Variants in PCDHGA7 observed in about 807,000 individuals in gnomAD.
PCDHGA7 encodes protocadherin gamma-A7.
PCDHGA7 carries 44 observed loss-of-function variants against 58.3 expected under a neutral mutation model. The ratio of observed to expected loss-of-function variants is 0.75; its 90% CI spans 0.59 to 0.97. PCDHGA7 has a LOEUF of 0.97. PCDHGA7 is among the 50% of genes least tolerant of loss of function. The pLI, the probability that PCDHGA7 is intolerant of heterozygous loss-of-function variation, is 0.00. For missense variants in PCDHGA7, 1,266 were observed against 1,188.7 expected (o/e 1.06, Z -0.96); for synonymous variants, 516 against 504.2 (o/e 1.02, Z -0.31).
chr5:141,423,906 G>A (rs2096789586), intron 1 of PCDHGA7: 17 of 1,272,396 alleles, frequency 1.3e-5, no homozygotes, highest in Non-Finnish European at 1.7e-5. Context: ...ATTTCAAAGG[G>A]GCCATTCAAC....
intron 1 of PCDHGA7, among the ~76,000 whole-genome samples, chr5:141,425,919 G>C (rs11167745): frequency 0.3 from 45,848 of 152,124 alleles, 8,179 homozygotes; most frequent in African/African-American, 0.5. Context: ...CAGTCACTAC[G>C]AAAACTCATA....
chr5:141,442,164 C>A, intron 1 of PCDHGA7: 1 of 156,542 alleles, frequency 6.4e-6, no homozygotes, highest in Non-Finnish European at 1.4e-5. Context: ...GATCACTCTG[C>A]AAAGCTACAG....
intron 1 of PCDHGA7, chr5:141,433,291 T>C: frequency 9.1e-7 from 1 of 1,094,048 alleles, no homozygotes; most frequent in Non-Finnish European, 1.3e-6. Context: ...ACTCCTAGGC[T>C]CAAGCAATTA....
intron 1 of PCDHGA7, among the ~76,000 whole-genome samples, chr5:141,386,518 A>C (rs2090605382): frequency 0.01 from 1 of 96 alleles, no homozygotes; most frequent in Non-Finnish European, 0.017. Flanking sequence ...TCTTCAAAAA[A>C]AGACTCTTTT....
intron 1 of PCDHGA7, chr5:141,422,778 C>T (rs1041081332): frequency 1.9e-6 from 3 of 1,613,932 alleles, no homozygotes; most frequent in Admixed American, 1.7e-5. Flanking sequence ...TTCTCTATGC[C>T]CTACAATCCT....
intron 1 of PCDHGA7, among the ~76,000 whole-genome samples, chr5:141,456,052 C>T (rs2098841739): frequency 1.3e-5 from 2 of 151,970 alleles, no homozygotes; most frequent in South Asian, 4.1e-4. Flanking sequence ...CGCCCACCAC[C>T]ACGTCCGGCT....
chr5:141,468,230 TAGG>T (rs1451844939), intron 1 of PCDHGA7, among the ~76,000 whole-genome samples: 9 of 141,220 alleles, frequency 6.4e-5, no homozygotes, highest in South Asian at 2.2e-4. Context: ...GAGGATGAGG[TAGG>T]AGAATTGCCT....
At position 141,384,374 on chromosome 5, in the gene PCDHGA7, C is replaced by A; in HGVS notation, c.1475C>A (p.Ala492Asp). 1 of 1,613,920 alleles carries A rather than the reference C, an allele frequency of 6.2e-7. No individual in the cohort carries two copies. Among genetic ancestry groups the A allele is most frequent in the Non-Finnish European group, 8.5e-7 (1 of 1,179,894 alleles). Residue 492 changes from alanine to aspartate, a missense_variant, in exon 1 of 4, where the codon GCC becomes GAC. Coordinates refer to ENST00000518325, the MANE Select transcript of PCDHGA7 (RefSeq NM_018920.4). ...AATGCCCAGATCACTTATTCCTTGGCCGAAGACACCATCCAGGGGGCTCCA... is the reference window on the plus strand; with the variant it reads ...AATGCCCAGATCACTTATTCCTTGGACGAAGACACCATCCAGGGGGCTCCA... The part of the protein sequence containing the change: ...EDNAQITYSL[A>D]EDTIQGAPVS...
rs2233612 is a variant in PCDHGA7 at position 141,511,014 on chromosome 5, A to G, written c.2640A>G (p.Gly880=). 8.6e-4 allele frequency: 1,386 copies of G among 1,614,082 alleles called. 14 individuals are homozygous for G. The African/African-American group carries it at 0.017, about 20-fold the overall frequency. The change falls in exon 4 of 4, where the codon GGA becomes GGG. Residue 880 remains glycine, a synonymous_variant. Coordinates refer to ENST00000518325, the MANE Select transcript of PCDHGA7 (RefSeq NM_018920.4). ...AGTMGLSARY[G]PQFTLQHVPD... ...CCATGGGATTGAGCGCCCGCTACGG[A>G]CCCCAGTTCACCCTGCAGCACGTGC...
At chr5:141,455,270 A>T (rs2098818132) in intron 1 of PCDHGA7, among the ~76,000 whole-genome samples, 1 of 151,958 alleles carries the variant, frequency 6.6e-6, no homozygotes, top group South Asian at 2.1e-4. Context: ...CTTCCCATTG[A>T]TTATTAACAT....
chr5:141,475,867 G>A (rs2099377217), intron 1 of PCDHGA7: 1 of 504,884 alleles, frequency 2.0e-6, no homozygotes, highest in Non-Finnish European at 3.5e-6. Flanking sequence ...CTCATTCTTC[G>A]TGCAGTTATT....
At chr5:141,492,461 G>A (rs1218833302) in intron 1 of PCDHGA7, among the ~76,000 whole-genome samples, 1 of 152,212 alleles carries the variant, frequency 6.6e-6, no homozygotes, top group East Asian at 1.9e-4. Flanking sequence ...CGCGCCTGAG[G>A]GTCCCAGATC....
At chr5:141,387,558 C>G (rs1456100013) in intron 1 of PCDHGA7, 1 of 417,976 alleles carries the variant, frequency 2.4e-6, no homozygotes, top group Non-Finnish European at 4.2e-6. Context: ...TTCAGTTAGG[C>G]ACACAATTAT....
intron 2 of PCDHGA7, 141 bp downstream of exon 2, chr5:141,495,006 G>A (rs1030195663): frequency 1.3e-6 from 2 of 1,521,564 alleles, no homozygotes; most frequent in Non-Finnish European, 1.8e-6. Flanking sequence ...CTTGGTGTGC[G>A]GGGGGCTGGC....
chr5:141,438,319 T>C (rs934592523), intron 1 of PCDHGA7, among the ~76,000 whole-genome samples: 1 of 151,982 alleles, frequency 6.6e-6, no homozygotes, highest in African/African-American at 2.4e-5. Flanking sequence ...CACCATAATT[T>C]TTCTTATACA....
rs1456184444 is a variant in PCDHGA7, at chr5:141,512,578, C to T, written c.*1405C>T. On this transcript the variant is annotated 3_prime_UTR_variant, in exon 4 of 4. Coordinates refer to ENST00000518325, the MANE Select transcript of PCDHGA7 (RefSeq NM_018920.4). ...ATAGACCTTCTTCTCCCACCCCCTT[C>T]TGCCCCTGGGTCCCCGGCCATCCAG... is the stretch of plus-strand genomic sequence containing the variant. 1 of 152,944 alleles carries T rather than the reference C, an allele frequency of 6.5e-6. No homozygotes were observed. The highest frequency in any genetic ancestry group is 1.5e-5 in the Non-Finnish European group (1 of 68,542). 9.5% of individuals were successfully genotyped at this position (152,944 alleles called of 1,614,324 possible). A position where few individuals can be genotyped will look rare whatever the true frequency, so the allele number is the denominator to read the frequency against.
intron 1 of PCDHGA7, among the ~76,000 whole-genome samples, chr5:141,407,131 T>C (rs1164616354): frequency 6.6e-6 from 1 of 152,226 alleles, no homozygotes; most frequent in African/African-American, 2.4e-5. Context: ...TGCTTTATTT[T>C]TAAGAAAAAA....
intron 1 of PCDHGA7, among the ~76,000 whole-genome samples, chr5:141,459,664 T>A (rs766213146): frequency 1.3e-5 from 2 of 152,262 alleles, no homozygotes; most frequent in Non-Finnish European, 2.9e-5. Flanking sequence ...TCACTTTACA[T>A]TTTCATGAGC....
In PCDHGA7 at chr5:141,388,623, T is replaced by C. The variant is rs767536532; in HGVS notation, c.2424+3300T>C. On this transcript the variant is annotated intron_variant, in intron 1 of 3. Transcript: ENST00000518325. Reference sequence around the variant, plus strand: ...TGCTCCAGTGTTCAGTCAAGACGTATACAGGGTGAGCCTTTCAGAAAACGT... The same window carrying C: ...TGCTCCAGTGTTCAGTCAAGACGTACACAGGGTGAGCCTTTCAGAAAACGT... 3.6e-5 allele frequency: 58 copies of C among 1,613,846 alleles called. No individual in the cohort carries two copies. The highest frequency in any genetic ancestry group is 4.8e-5 in the Non-Finnish European group (57 of 1,179,886).
Sources: allele counts gnomAD v4.1 joint callset (sites outside exome capture counted in the v4.1 genomes callset), GRCh38; gene constraint gnomAD v4.1.1; transcripts MANE v1.5; gene names NCBI Gene and HGNC (gene_info 2026-07-23, HGNC 2026-07-21).